PXDNL: variants seen among roughly 807,000 people sequenced by gnomAD.
PXDNL encodes peroxidasin like, also known as probable oxidoreductase PXDNL.
Under a neutral mutation model 150.8 loss-of-function variants are expected in PXDNL, and 145 were observed. The ratio of observed to expected loss-of-function variants is 0.96; its 90% CI spans 0.84 to 1.10. PXDNL has a LOEUF of 1.10. Ranked by LOEUF, PXDNL falls within the 50% of genes least tolerant of loss-of-function variation. The pLI is 0.00. For synonymous variants in PXDNL, 757 were observed against 725.7 expected (o/e 1.04, Z -0.69); for missense variants, 2,087 against 1,873.9 (o/e 1.11, Z -2.10).
intron 5 of PXDNL, among the ~76,000 whole-genome samples, chr8:51,495,310 T>C (rs1238511951): frequency 2.0e-5 from 3 of 151,470 alleles, no homozygotes; most frequent in African/African-American, 7.3e-5. Flanking sequence ...TAGCACTAAA[T>C]GCCCACAAGA....
intron 1 of PXDNL, among the ~76,000 whole-genome samples, chr8:51,673,274 T>C (rs1225819241): frequency 6.6e-6 from 1 of 152,214 alleles, no homozygotes; most frequent in Non-Finnish European, 1.5e-5. Flanking sequence ...TGCAGCTGAA[T>C]GTGTTTATAA....
chr8:51,345,174 A>T (rs1219000077), intron 20 of PXDNL, among the ~76,000 whole-genome samples: 1 of 152,240 alleles, frequency 6.6e-6, no homozygotes, highest in Non-Finnish European at 1.5e-5. Context: ...ACTTAATTTC[A>T]CAAGTATGTA....
At chr8:51,664,658 G>C (rs1414779984) in intron 1 of PXDNL, among the ~76,000 whole-genome samples, 1 of 152,116 alleles carries the variant, frequency 6.6e-6, no homozygotes, top group Admixed American at 6.5e-5. Flanking sequence ...CTACTGCTCA[G>C]CTGCTGCTTG....
At chr8:51,498,241 T>A (rs1336638802) in intron 5 of PXDNL, among the ~76,000 whole-genome samples, 1 of 130,272 alleles carries the variant, frequency 7.7e-6, no homozygotes, top group Admixed American at 9.1e-5. Context: ...TGAGAACACA[T>A]GGACACAGGA....
At chr8:51,326,157 A>T (rs1281184153) in intron 21 of PXDNL, among the ~76,000 whole-genome samples, 1 of 152,082 alleles carries the variant, frequency 6.6e-6, no homozygotes, top group African/African-American at 2.4e-5. Context: ...GAGTCATCTT[A>T]TGTTTGTTTT....
chr8:51,446,933 T>A, intron 12 of PXDNL, 71 bp downstream of exon 12: 1 of 1,347,070 alleles, frequency 7.4e-7, no homozygotes, highest in African/African-American at 1.4e-5. Context: ...ATAAGATCCC[T>A]GTCAGGTGTG....
chr8:51,700,160 T>C (rs1310812134), intron 1 of PXDNL, among the ~76,000 whole-genome samples: 1 of 63,414 alleles, frequency 1.6e-5, no homozygotes, highest in Non-Finnish European at 3.2e-5. Context: ...AAACAAGGTA[T>C]GCCTGCATAC....
At chr8:51,781,774 T>C (rs2037417489) in intron 1 of PXDNL, among the ~76,000 whole-genome samples, 2 of 152,206 alleles carry the variant, frequency 1.3e-5, no homozygotes, top group Admixed American at 1.3e-4. Context: ...CACGAACTCA[T>C]TGATCCTTGC....
rs1288958622 is a variant in PXDNL at position 51,354,061 on chromosome 8, A to T, written c.3902-8114T>A. 2.0e-5 allele frequency among the ~76,000 whole-genome samples: 3 copies of T among 152,070 alleles called. No individual in the cohort carries two copies. In the East Asian group the frequency reaches 5.8e-4, roughly 29 times the overall value. ...ACATTTGGGTCTTATGAGGATTTTA[A>T]GATTTTTGTTCTTCAATGTTTCCTT... On this transcript the variant is annotated intron_variant, in intron 19 of 22. Transcript: ENST00000356297.
chr8:51,426,874 T>TA (rs1809119480), intron 12 of PXDNL, 116 bp from the exon 13 acceptor site: 2 of 602,974 alleles, frequency 3.3e-6, no homozygotes, highest in African/African-American at 3.7e-5. Flanking sequence ...ACTAGTTTTT[T>TA]AAAAATCAAT....
chr8:51,566,638 A>G (rs1439976214), intron 3 of PXDNL, among the ~76,000 whole-genome samples: 2 of 151,444 alleles, frequency 1.3e-5, no homozygotes, highest in Non-Finnish European at 3.0e-5. Context: ...AGATGGCCCA[A>G]TTTTATGTGT....
intron 17 of PXDNL, among the ~76,000 whole-genome samples, chr8:51,385,853 C>A (rs1014289847): frequency 3.6e-4 from 55 of 152,270 alleles, no homozygotes; most frequent in African/African-American, 1.2e-3. Context: ...CTCTTGCCTG[C>A]CACCAGGTAA....
At chr8:51,613,511 G>A (rs1311540899) in intron 2 of PXDNL, among the ~76,000 whole-genome samples, 2 of 150,992 alleles carry the variant, frequency 1.3e-5, no homozygotes, top group South Asian at 2.1e-4. Flanking sequence ...GGCAGAGGGG[G>A]AAGACAAGCT....
At chr8:51,456,029 C>T (rs904592855) in intron 9 of PXDNL, among the ~76,000 whole-genome samples, 1 of 152,188 alleles carries the variant, frequency 6.6e-6, no homozygotes, top group Non-Finnish European at 1.5e-5. Context: ...TTTGCCACTA[C>T]CCTATCCATG....
intron 3 of PXDNL, 61 bp downstream of exon 3, chr8:51,592,566 A>G (rs1343303630): frequency 8.7e-7 from 1 of 1,147,808 alleles, no homozygotes; most frequent in African/African-American, 1.6e-5. Flanking sequence ...AAACACACAC[A>G]AAAAAGGCAA....
At chr8:51,467,079 C>T (rs1399548394) in intron 8 of PXDNL, among the ~76,000 whole-genome samples, 1 of 152,072 alleles carries the variant, frequency 6.6e-6, no homozygotes, top group Non-Finnish European at 1.5e-5. Context: ...CCAAAAAGAC[C>T]CATGTGTCTG....
At chr8:51,354,463 T>C (rs1271804280) in intron 19 of PXDNL, among the ~76,000 whole-genome samples, 2 of 152,096 alleles carry the variant, frequency 1.3e-5, no homozygotes, top group African/African-American at 2.4e-5. Context: ...TTAGCTGATA[T>C]GAAAAATTAG....
intron 1 of PXDNL, among the ~76,000 whole-genome samples, chr8:51,713,179 T>C (rs895515479): frequency 6.6e-6 from 1 of 152,236 alleles, no homozygotes; most frequent in East Asian, 1.9e-4. Flanking sequence ...TCATGTTAGA[T>C]AAACTTGTGC....
intron 17 of PXDNL, among the ~76,000 whole-genome samples, chr8:51,380,866 G>GT (rs1371725452): frequency 6.6e-6 from 1 of 151,940 alleles, no homozygotes; most frequent in Non-Finnish European, 1.5e-5. Flanking sequence ...TACATGGAAT[G>GT]TTTTTTTCTG....
Sources: allele counts gnomAD v4.1 joint callset (sites outside exome capture counted in the v4.1 genomes callset), GRCh38; gene constraint gnomAD v4.1.1; transcripts MANE v1.5; gene names NCBI Gene and HGNC (gene_info 2026-07-23, HGNC 2026-07-21).